The following MICAL3 variants were observed in gnomAD, a reference collection of about 807,000 sequenced individuals.
The protein encoded by MICAL3 is [F-actin]-monooxygenase MICAL3.
In MICAL3, 62 loss-of-function variants were observed where a neutral mutation model predicts 207.4. The observed-to-expected ratio is 0.30, with a 90% CI of 0.24 to 0.37. The LOEUF is 0.37. Among genes scored for constraint, MICAL3 ranks in the 10% least tolerant of loss-of-function variants. MICAL3 has a pLI of 1.00. For missense variants in MICAL3, 2,368 were observed against 2,635.6 expected (o/e 0.90, Z 2.22); for synonymous variants, 1,077 against 1,069.3 (o/e 1.01, Z -0.14).
At chr22:18,023,021 G>C (rs1924583380) in intron 1 of MICAL3, among the ~76,000 whole-genome samples, 1 of 152,182 alleles carries the variant, frequency 6.6e-6, no homozygotes, top group African/African-American at 2.4e-5. Context: ...GGCCCTGCCA[G>C]CTCTCTTTGC....
chr22:17,988,983 G>A (rs971720520), intron 1 of MICAL3, among the ~76,000 whole-genome samples: 16 of 151,982 alleles, frequency 1.1e-4, no homozygotes, highest in Non-Finnish European at 1.2e-4. Flanking sequence ...TTTACCTTCC[G>A]GCCTTTTACA....
Position 17,843,993 on chromosome 22 carries a change from C to G in MICAL3, c.2606-1976G>C, listed in dbSNP as rs553971126. 8.1e-4 allele frequency among the ~76,000 whole-genome samples: 124 copies of G among 152,344 alleles called. 1 individual carries two copies. Among genetic ancestry groups the G allele is most frequent in the African/African-American group, 2.8e-3 (117 of 41,578 alleles). The stretch of plus-strand genomic sequence containing the variant: ...TCCCGAGTAGCTGGGACTACGGGCG[C>G]CTGCCACAGCACCCGGCTAGTTTTT... On this transcript the variant is annotated intron_variant, in intron 19 of 31. Transcript: ENST00000441493.
intron 1 of MICAL3, among the ~76,000 whole-genome samples, chr22:17,928,042 T>C (rs1031966348): frequency 6.6e-6 from 1 of 152,192 alleles, no homozygotes; most frequent in Non-Finnish European, 1.5e-5. Flanking sequence ...TTGGGTTTTA[T>C]TTACATGTGT....
At chr22:17,991,041 A>G (rs1731750997) in intron 1 of MICAL3, among the ~76,000 whole-genome samples, 1 of 152,250 alleles carries the variant, frequency 6.6e-6, no homozygotes, top group African/African-American at 2.4e-5. Flanking sequence ...TGAGTGGGGC[A>G]GCGCAGCAGA....
chr22:17,993,392 A>G (rs147516323), intron 1 of MICAL3, among the ~76,000 whole-genome samples: 5,012 of 152,014 alleles, frequency 0.033, 121 homozygotes, highest in African/African-American at 0.07. Flanking sequence ...TGCATTAGGT[A>G]TTTGTCCTAA....
intron 13 of MICAL3, 109 bp downstream of exon 13, chr22:17,888,925 G>A (rs745368637): frequency 1.3e-5 from 9 of 694,682 alleles, no homozygotes; most frequent in Admixed American, 3.1e-5. Context: ...AAAACACAGA[G>A]TAACTTTGTG....
At chr22:17,946,431 G>C (rs1247158078) in intron 1 of MICAL3, among the ~76,000 whole-genome samples, 2 of 152,186 alleles carry the variant, frequency 1.3e-5, no homozygotes, top group African/African-American at 4.8e-5. Context: ...GCCCCGGAGA[G>C]TTCTTTCATT....
At chr22:17,940,349 G>A (rs1933749879) in intron 1 of MICAL3, among the ~76,000 whole-genome samples, 1 of 152,172 alleles carries the variant, frequency 6.6e-6, no homozygotes, top group Non-Finnish European at 1.5e-5. Context: ...ATGCTGCAGT[G>A]AGCTATGATC....
intron 1 of MICAL3, among the ~76,000 whole-genome samples, chr22:17,909,135 T>C (rs540035898): frequency 2.0e-5 from 3 of 152,322 alleles, no homozygotes; most frequent in East Asian, 1.9e-4. Flanking sequence ...CGTCACATAA[T>C]GTGGAGGATA....
At chr22:17,929,735 T>C (rs1370336254) in intron 1 of MICAL3, among the ~76,000 whole-genome samples, 1 of 151,948 alleles carries the variant, frequency 6.6e-6, no homozygotes, top group Non-Finnish European at 1.5e-5. Context: ...GCCTGGCTAA[T>C]TTTTTGTATT....
Position 17,841,950 on chromosome 22 carries a change from G to T in MICAL3, c.2673C>A (p.Ile891=). ...AKRLRGTPER[I]ELENYRLSLR... Reference sequence around the variant, plus strand: ...GGGACAGGCGGTAGTTCTCCAGCTCGATCCGCTCTGGGGTGCCCCTCAGTC... The same window carrying T: ...GGGACAGGCGGTAGTTCTCCAGCTCTATCCGCTCTGGGGTGCCCCTCAGTC... Residue 891 remains isoleucine (I), a synonymous_variant, in exon 20 of 32, where the codon ATC becomes ATA. Transcript: ENST00000441493. This position sits in a 1 kb window ranked among gnomAD's most constrained non-coding sequence, Gnocchi z 4.2. 1 of 1,606,152 alleles carries T rather than the reference G, an allele frequency of 6.2e-7. No individual in the cohort carries two copies. Among genetic ancestry groups the T allele is most frequent in the Non-Finnish European group, 8.5e-7 (1 of 1,178,380 alleles).
At chr22:17,945,248 C>T (rs144773239) in intron 1 of MICAL3, among the ~76,000 whole-genome samples, 1,637 of 152,264 alleles carry the variant, frequency 0.011, 30 homozygotes, top group African/African-American at 0.036. Flanking sequence ...CCATTTCAGC[C>T]TAGCCGGTGG....
chr22:17,990,636 T>C (rs1921573686), intron 1 of MICAL3, among the ~76,000 whole-genome samples: 1 of 152,180 alleles, frequency 6.6e-6, no homozygotes, highest in African/African-American at 2.4e-5. Context: ...GTCCAAACTC[T>C]TAACCACAAC....
At chr22:17,988,847 G>A (rs1921333452) in intron 1 of MICAL3, among the ~76,000 whole-genome samples, 1 of 152,226 alleles carries the variant, frequency 6.6e-6, no homozygotes, top group Admixed American at 6.5e-5. Flanking sequence ...AGTTTCAGAG[G>A]CCACAAATAA....
Position 17,827,636 on chromosome 22 carries a change from G to C in MICAL3, c.3193+8C>G, listed in dbSNP as rs367844167. Reference sequence around the variant, plus strand: ...GGCACACTGCGGCCTGGGGCTGGGAGTGTTTACCTCCGGAAGCAGAGGACT... The same window carrying C: ...GGCACACTGCGGCCTGGGGCTGGGACTGTTTACCTCCGGAAGCAGAGGACT... On this transcript the variant is annotated splice_region_variant and intron_variant, in intron 22 of 31. Transcript: ENST00000441493. 5 of 1,557,426 alleles carry C rather than the reference G, an allele frequency of 3.2e-6. No individual in the cohort carries two copies. The African/African-American group carries it at 4.1e-5, about 13-fold the overall frequency.
At chr22:17,897,599 T>C (rs890427812) in intron 7 of MICAL3, among the ~76,000 whole-genome samples, 20 of 152,098 alleles carry the variant, frequency 1.3e-4, no homozygotes, top group Admixed American at 5.9e-4. Context: ...TACCTGACAG[T>C]ACTTTGTGAA....
chr22:18,000,755 C>G (rs376165343), intron 1 of MICAL3, among the ~76,000 whole-genome samples: 1 of 152,228 alleles, frequency 6.6e-6, no homozygotes, highest in East Asian at 1.9e-4. Flanking sequence ...CCGCGCCCAC[C>G]GCCCCCACAA....
intron 12 of MICAL3, among the ~76,000 whole-genome samples, chr22:17,889,475 T>C (rs1162478471): frequency 1.4e-5 from 2 of 147,510 alleles, no homozygotes; most frequent in Non-Finnish European, 3.0e-5. Context: ...AGGGAGAAAG[T>C]CAAAAAACGA....
intron 1 of MICAL3, among the ~76,000 whole-genome samples, chr22:17,921,677 C>T (rs1418841355): frequency 2.6e-5 from 4 of 152,054 alleles, no homozygotes; most frequent in African/African-American, 7.2e-5. Context: ...TTAGTAGAGA[C>T]GGGATTTCAC....
Sources: gnomAD v4.1 joint callset for allele counts (sites outside exome capture counted in the v4.1 genomes callset) on GRCh38, gnomAD v4.1.1 for gene constraint, Gnocchi (gnomAD v3.1) non-coding constraint, MANE v1.5 for transcripts, NCBI Gene and HGNC (gene_info 2026-07-23, HGNC 2026-07-21) for gene names.